Variants in ADAM22 observed in about 807,000 individuals in gnomAD.
ADAM22 encodes the protein ADAM metallopeptidase domain 22, also known as disintegrin and metalloproteinase domain-containing protein 22.
Under a neutral mutation model 144.6 loss-of-function variants are expected in ADAM22, and 65 were observed. The observed-to-expected ratio is 0.45, with a 90% confidence interval of 0.37 to 0.55. The LOEUF (loss-of-function observed/expected upper bound fraction) is 0.55. ADAM22 is among the 20% of genes least tolerant of loss of function. ADAM22 has a pLI of 0.00. For synonymous variants in ADAM22, 391 were observed against 412.6 expected (o/e 0.95, Z 0.63); for missense variants, 974 against 1,184.9 (o/e 0.82, Z 2.61).
chr7:87,984,310 G>A (rs1437940092), intron 3 of ADAM22, among the ~76,000 whole-genome samples: 2 of 152,122 alleles, frequency 1.3e-5, no homozygotes, highest in East Asian at 3.9e-4. Flanking sequence ...CACTAGTGAT[G>A]CCCGCTAACA....
intron 4 of ADAM22, among the ~76,000 whole-genome samples, chr7:88,080,345 C>T (rs953324227): frequency 3.0e-4 from 45 of 152,158 alleles, no homozygotes; most frequent in African/African-American, 1.1e-3. Context: ...ACATTCAAAG[C>T]AGTGTGTAGA....
At chr7:88,043,462 G>A (rs889069699) in intron 3 of ADAM22, among the ~76,000 whole-genome samples, 1 of 149,936 alleles carries the variant, frequency 6.7e-6, no homozygotes, top group Non-Finnish European at 1.5e-5. Flanking sequence ...TCCAGCCTGG[G>A]TGACTGAGCG....
chr7:88,181,234 T>C (rs1037648691), intron 27 of ADAM22, among the ~76,000 whole-genome samples: 18 of 152,180 alleles, frequency 1.2e-4, no homozygotes, highest in African/African-American at 4.3e-4. Context: ...TTCTGGGGAA[T>C]GTAAATTGGC....
At chr7:88,046,387 C>A (rs1804698574) in intron 3 of ADAM22, among the ~76,000 whole-genome samples, 1 of 152,150 alleles carries the variant, frequency 6.6e-6, no homozygotes, top group South Asian at 2.1e-4. Context: ...AATGTCTATT[C>A]AGATCCTTTG....
At chr7:87,989,277 G>C (rs1251554845) in intron 3 of ADAM22, among the ~76,000 whole-genome samples, 2 of 152,124 alleles carry the variant, frequency 1.3e-5, no homozygotes, top group African/African-American at 4.8e-5. Context: ...GAAACAGATG[G>C]AAAGTTTAAA....
rs1216631665 is a variant in ADAM22, at chr7:88,130,416, A to C, written c.782A>C (p.His261Pro). Residue 261 changes from histidine (H) to proline (P), a missense_variant, in exon 10 of 32, where the codon CAT (histidine) becomes CCT (proline). By Grantham distance (77) the His-to-Pro change is moderately conservative (BLOSUM62 -2). This residue lies in a region of ADAM22 where 734 missense variants were observed against 950.6 expected (regional missense o/e 0.77). Coordinates refer to ENST00000413139, the MANE Select transcript of ADAM22 (RefSeq NM_001324418.2). ...MFKKHRLSVV[H>P]TNTYAKSVVN... The stretch of plus-strand genomic sequence containing the variant: ...AAAAAACATCGGCTTTCCGTTGTAC[A>C]TACCAATACCTATGCGAAATCTGTG... The C allele has an allele frequency of 1.2e-6, 2 of 1,613,194 alleles. No individual in the cohort carries two copies. Among genetic ancestry groups the C allele is most frequent in the Non-Finnish European group, 1.7e-6 (2 of 1,179,384 alleles).
At chr7:88,012,984 C>T (rs1248382261) in intron 3 of ADAM22, among the ~76,000 whole-genome samples, 1 of 152,174 alleles carries the variant, frequency 6.6e-6, no homozygotes, top group African/African-American at 2.4e-5. Flanking sequence ...GAGCCAAGGA[C>T]TCGGGGGACC....
intron 3 of ADAM22, among the ~76,000 whole-genome samples, chr7:88,011,205 A>G (rs1378411349): frequency 6.6e-6 from 1 of 152,246 alleles, no homozygotes; most frequent in Non-Finnish European, 1.5e-5. Flanking sequence ...TAAAAAGGCA[A>G]TGTTTAAATC....
At chr7:88,027,580 T>C (rs1227293687) in intron 3 of ADAM22, among the ~76,000 whole-genome samples, 2 of 152,144 alleles carry the variant, frequency 1.3e-5, no homozygotes, top group Non-Finnish European at 2.9e-5. Flanking sequence ...ATTGACTCTT[T>C]TCTCTTTTTT....
At chr7:88,196,383 G>A in intron 31 of ADAM22, 88 bp from the exon 32 acceptor site, 1 of 1,442,438 alleles carries the variant, frequency 6.9e-7, no homozygotes, top group Non-Finnish European at 9.8e-7. Context: ...TATATGGATG[G>A]AATCACTGAA....
chr7:88,082,133 A>G (rs902653761), intron 4 of ADAM22, among the ~76,000 whole-genome samples: 1 of 152,204 alleles, frequency 6.6e-6, no homozygotes, highest in African/African-American at 2.4e-5. Flanking sequence ...TGGTACCAAA[A>G]CAGACATATA....
intron 3 of ADAM22, among the ~76,000 whole-genome samples, chr7:88,030,567 A>G (rs1347539789): frequency 6.6e-6 from 1 of 152,052 alleles, no homozygotes; most frequent in Non-Finnish European, 1.5e-5. Flanking sequence ...GAGGTGGTAC[A>G]TGGTGGGAGG....
At chr7:88,123,922 G>A (rs1025092646) in intron 7 of ADAM22, among the ~76,000 whole-genome samples, 7 of 151,654 alleles carry the variant, frequency 4.6e-5, no homozygotes, top group African/African-American at 1.5e-4. Context: ...TTTTTTCCAA[G>A]CACCTTTTTA....
chr7:87,957,822 A>T lies in ADAM22; in HGVS notation c.247-20514A>T, dbSNP rs542454186. On this transcript the variant is annotated intron_variant, in intron 2 of 31. Coordinates refer to ENST00000413139, the MANE Select transcript of ADAM22 (RefSeq NM_001324418.2). ...GGTCTCAAACTCCTGACCTCAGGTG[A>T]TCTGCCCACCTCGGCCTCCCAAAGG... Among the ~76,000 whole-genome samples, 7 of 152,236 alleles carry T rather than the reference A, an allele frequency of 4.6e-5. No individual in the cohort carries two copies. The South Asian group carries it at 1.5e-3, about 32-fold the overall frequency.
rs796439136 is a variant in ADAM22, at chr7:88,053,612, GAAAGAAAGAAAGAAAGAAAGAA to G, written c.324-22012_324-21991del. On this transcript the variant is annotated intron_variant, in intron 3 of 31. Transcript: ENST00000413139. ...GGAAGGAAAGAAAGAAAGAAAGAAA[GAAAGAAAGAAAGAAAGAAAGAA>G]AGAAAGAAAGAAAGAAACCAAGTAA... Among the ~76,000 whole-genome samples, 3 of 110,176 alleles carry G rather than the reference GAAAGAAAGAAAGAAAGAAAGAA, an allele frequency of 2.7e-5. No homozygotes were observed. The Admixed American group carries it at 3.1e-4, about 11-fold the overall frequency. The allele number at this position is 110,176 out of a possible 152,430, so 72.3% of individuals were successfully genotyped here.
rs1790855976 is a variant in ADAM22 at position 87,995,176 on chromosome 7, C to T, written c.323+16764C>T. 1.3e-5 allele frequency among the ~76,000 whole-genome samples: 2 copies of T among 152,186 alleles called. 1 individual carries two copies. The highest frequency in any genetic ancestry group is 4.1e-4 in the South Asian group (2 of 4,826). On this transcript the variant is annotated intron_variant, in intron 3 of 31. Transcript: ENST00000413139. ...ATTTAGAGAAATAACAGATGTTAAT[C>T]TATCCTTCCCTCTGCAAAAATGATA...
At chr7:88,014,179 A>G (rs17150122) in intron 3 of ADAM22, among the ~76,000 whole-genome samples, 4,249 of 152,244 alleles carry the variant, frequency 0.028, 199 homozygotes, top group African/African-American at 0.096. Context: ...CTCTAAGCTG[A>G]TGAATAACAT....
At chr7:88,188,013 A>C (rs1315451032) in intron 30 of ADAM22, among the ~76,000 whole-genome samples, 2 of 151,608 alleles carry the variant, frequency 1.3e-5, no homozygotes, top group Admixed American at 6.6e-5. Context: ...TCCCACCCTC[A>C]TCTGTAGCTC....
Position 87,935,197 on chromosome 7 carries a change from C to G in ADAM22, c.246+11C>G, listed in dbSNP as rs539775718. 2 of 1,586,378 alleles carry G rather than the reference C, an allele frequency of 1.3e-6. No homozygotes were observed. The highest frequency in any genetic ancestry group is 1.7e-6 in the Non-Finnish European group (2 of 1,166,344). ...CTCGGTGGCCCGCAGGTGAGAGGCT[C>G]GGTCCGGGAGGTGGTCCTCCGCGCC... On this transcript the variant is annotated intron_variant, in intron 2 of 31. Coordinates refer to ENST00000413139, the MANE Select transcript of ADAM22 (RefSeq NM_001324418.2).
Sources: allele counts gnomAD v4.1 joint callset (sites outside exome capture counted in the v4.1 genomes callset), GRCh38; gene constraint gnomAD v4.1.1; regional missense constraint gnomAD v4.1.1; transcripts MANE v1.5; gene names NCBI Gene and HGNC (gene_info 2026-07-23, HGNC 2026-07-21).